The following RPRD2 variants were observed in gnomAD, a reference collection of about 807,000 sequenced individuals.
RPRD2 encodes regulation of nuclear pre-mRNA domain-containing protein 2.
RPRD2 carries 12 observed loss-of-function variants against 104.4 expected under a neutral mutation model. The observed-to-expected ratio is 0.11, with a 90% CI of 0.07 to 0.19. RPRD2 has a LOEUF of 0.19. Ranked by LOEUF, RPRD2 falls within the 10% of genes least tolerant of loss-of-function variation. The pLI is 1.00. For missense variants in RPRD2, 1,543 were observed against 1,790.1 expected (o/e 0.86, Z 2.49); for synonymous variants, 714 against 684.9 (o/e 1.04, Z -0.66).
chr1:150,379,139 C>T, intron 1 of RPRD2, among the ~76,000 whole-genome samples: 1 of 150,996 alleles, frequency 6.6e-6, no homozygotes, highest in Non-Finnish European at 1.5e-5. Flanking sequence ...AAAAATTAGA[C>T]CGTCATGGTG....
At chr1:150,452,934 T>G (rs1316672462) in intron 7 of RPRD2, among the ~76,000 whole-genome samples, 4 of 151,996 alleles carry the variant, frequency 2.6e-5, no homozygotes, top group African/African-American at 9.7e-5. Flanking sequence ...CCTCCCAAAG[T>G]GCTGAGATTA....
chr1:150,460,551 T>C (rs1427072001), intron 9 of RPRD2, among the ~76,000 whole-genome samples: 1 of 151,792 alleles, frequency 6.6e-6, no homozygotes, highest in Non-Finnish European at 1.5e-5. Flanking sequence ...TACAGGCACC[T>C]GCTACCACGC....
chr1:150,397,835 T>G (rs1419929437), intron 1 of RPRD2, among the ~76,000 whole-genome samples: 2 of 150,396 alleles, frequency 1.3e-5, no homozygotes, highest in African/African-American at 4.9e-5. Flanking sequence ...CAGCTTCTGC[T>G]TCCCGGATTC....
chr1:150,405,317 T>C (rs1364631329), intron 1 of RPRD2, among the ~76,000 whole-genome samples: 1 of 152,228 alleles, frequency 6.6e-6, no homozygotes, highest in Non-Finnish European at 1.5e-5. Flanking sequence ...ATTGAAGTTA[T>C]TTTACTCAGG....
intron 2 of RPRD2, among the ~76,000 whole-genome samples, chr1:150,429,552 A>G (rs1237581178): frequency 2.7e-5 from 4 of 150,842 alleles, no homozygotes; most frequent in Admixed American, 6.6e-5. Flanking sequence ...GCAAGGTTTC[A>G]CCATGTTGCC....
At chr1:150,451,282 C>G (rs951832615) in intron 7 of RPRD2, among the ~76,000 whole-genome samples, 3 of 152,128 alleles carry the variant, frequency 2.0e-5, no homozygotes, top group Admixed American at 6.6e-5. Context: ...TTTGGTTTAT[C>G]TCACTACCTG....
intron 1 of RPRD2, among the ~76,000 whole-genome samples, chr1:150,368,238 A>G (rs1659999144): frequency 7.3e-6 from 1 of 137,056 alleles, no homozygotes; most frequent in Non-Finnish European, 1.6e-5. Flanking sequence ...ACGGAGTCTT[A>G]ATAGATTTTT....
chr1:150,471,397 T>C lies in RPRD2; in HGVS notation c.2449T>C (p.Ser817Pro). 6.2e-7 allele frequency: 1 copy of C among 1,613,866 alleles called. No homozygotes were observed. The highest frequency in any genetic ancestry group is 8.5e-7 in the Non-Finnish European group (1 of 1,179,872). ...MERPSSLMDS[S>P]QEKFYPDTSF... ...GAGACCATCTTCCCTGATGGACTCT[T>C]CACAGGAAAAGTTCTACCCAGATAC... The change falls in exon 11 of 11, where the codon TCA (serine) becomes CCA (proline). Residue 817 changes from serine to proline, a missense_variant. Ser to Pro is a moderately conservative substitution (Grantham distance 74). Coordinates refer to ENST00000369068, the MANE Select transcript of RPRD2 (RefSeq NM_015203.5). This position sits in a 1 kb window ranked among gnomAD's most constrained non-coding sequence, Gnocchi z 5.3.
At chr1:150,449,128 A>G (rs1305430733) in intron 7 of RPRD2, among the ~76,000 whole-genome samples, 1 of 152,164 alleles carries the variant, frequency 6.6e-6, no homozygotes, top group East Asian at 1.9e-4. Flanking sequence ...AAGGAAAAAT[A>G]CATTAAAATG....
At chr1:150,420,236 G>C (rs1553889398) in intron 2 of RPRD2, among the ~76,000 whole-genome samples, 4 of 151,892 alleles carry the variant, frequency 2.6e-5, no homozygotes, top group Non-Finnish European at 5.9e-5. Flanking sequence ...TTAATATACA[G>C]TTGCCAACCT....
At chr1:150,457,105 A>G (rs1231527247) in intron 7 of RPRD2, among the ~76,000 whole-genome samples, 183 bp from the exon 8 acceptor site, 1 of 150,854 alleles carries the variant, frequency 6.6e-6, no homozygotes, top group Non-Finnish European at 1.5e-5. Context: ...GTTCCTGTGG[A>G]TCCAGCTACT....
chr1:150,422,190 CAA>C (rs1664805662), intron 2 of RPRD2, among the ~76,000 whole-genome samples: 1 of 118,948 alleles, frequency 8.4e-6, no homozygotes, highest in Admixed American at 8.2e-5. Flanking sequence ...CACACACACA[CAA>C]AATTAGCCAG....
At chr1:150,382,667 T>C (rs1443875704) in intron 1 of RPRD2, among the ~76,000 whole-genome samples, 4 of 152,052 alleles carry the variant, frequency 2.6e-5, no homozygotes, top group Admixed American at 1.3e-4. Context: ...CCTATAGCTA[T>C]TGTGCTAATA....
rs75661136 is a variant in RPRD2 at position 150,462,462 on chromosome 1, C to A, written c.1412-2065C>A. The stretch of plus-strand genomic sequence containing the variant: ...TCTTGTCTCAAAAAAAAACAAAAAA[C>A]AAAAAAAAAACCTGTAAATTATAAA... On this transcript the variant is annotated intron_variant, in intron 9 of 10. Transcript: ENST00000369068. Among the ~76,000 whole-genome samples the A allele has an allele frequency of 1.7e-4, 25 of 147,460 alleles. No homozygotes were observed. In the East Asian group the frequency reaches 2.8e-3, roughly 16 times the overall value.
intron 2 of RPRD2, among the ~76,000 whole-genome samples, chr1:150,418,433 G>C (rs1457534550): frequency 6.6e-6 from 1 of 152,048 alleles, no homozygotes; most frequent in Non-Finnish European, 1.5e-5. Context: ...TTCTTTCTGA[G>C]TCTTACTGAA....
chr1:150,430,083 G>A (rs1183885578), intron 2 of RPRD2, among the ~76,000 whole-genome samples: 6 of 152,104 alleles, frequency 3.9e-5, no homozygotes, highest in South Asian at 2.1e-4. Flanking sequence ...AAAAACAAAC[G>A]TGCTCACAGT....
chr1:150,440,994 A>T lies in RPRD2; in HGVS notation c.407A>T (p.Glu136Val). The T allele has an allele frequency of 6.3e-7, 1 of 1,576,996 alleles. No homozygotes were observed. Among genetic ancestry groups the T allele is most frequent in the Non-Finnish European group, 8.6e-7 (1 of 1,159,356 alleles). Reference protein sequence around the residue: ...IWEDRNVYPEEMIVALREALS... With the variant: ...IWEDRNVYPEVMIVALREALS... Reference sequence around the variant, plus strand: ...GAAGATAGAAATGTATACCCAGAAGAAATGATTGTGGCATTGAGAGAAGCT... The same window carrying T: ...GAAGATAGAAATGTATACCCAGAAGTAATGATTGTGGCATTGAGAGAAGCT... Residue 136 changes from glutamate (E) to valine (V), a missense_variant, in exon 3 of 11, where the codon GAA becomes GTA. This residue lies in a region of RPRD2 where 572 missense variants were observed against 787.3 expected (regional missense o/e 0.73). Coordinates refer to ENST00000369068, the MANE Select transcript of RPRD2 (RefSeq NM_015203.5).
At chr1:150,409,789 C>T (rs1158006310) in intron 1 of RPRD2, among the ~76,000 whole-genome samples, 31 of 151,410 alleles carry the variant, frequency 2.0e-4, no homozygotes, top group Admixed American at 2.0e-3. Flanking sequence ...GGATTACAGA[C>T]GCATGCCACC....
At chr1:150,469,732 C>A (rs974798995) in intron 10 of RPRD2, among the ~76,000 whole-genome samples, 3 of 152,166 alleles carry the variant, frequency 2.0e-5, no homozygotes, top group Admixed American at 6.5e-5. Context: ...CCAAAGAATT[C>A]TTTCTCAGTG....
Sources: gnomAD v4.1 joint callset for allele counts (sites outside exome capture counted in the v4.1 genomes callset) on GRCh38, gnomAD v4.1.1 for gene constraint, gnomAD v4.1.1 regional missense constraint, Gnocchi (gnomAD v3.1) non-coding constraint, MANE v1.5 for transcripts, NCBI Gene and HGNC (gene_info 2026-07-23, HGNC 2026-07-21) for gene names.